Variants in DNM3 observed in about 807,000 individuals in gnomAD.
The protein encoded by DNM3 is dynamin 3.
A neutral mutation model predicts 101.6 loss-of-function variants in DNM3; 47 were observed. That is an observed-to-expected ratio of 0.46 (90% CI 0.37 to 0.59). The LOEUF (loss-of-function observed/expected upper bound fraction) is 0.59, where lower values mean the gene tolerates loss of function less well. DNM3 is among the 20% of genes least tolerant of loss of function. The pLI, the probability that DNM3 is intolerant of heterozygous loss-of-function variation, is 0.00. For missense variants in DNM3, 849 were observed against 1,085.7 expected, an observed-to-expected ratio of 0.78 and a Z score of 3.06; for synonymous variants, 385 against 387.9, an observed-to-expected ratio of 0.99 and a Z score of 0.09.
chr1:172,288,200 C>G (rs1291997160), intron 15 of DNM3, among the ~76,000 whole-genome samples: 3 of 152,172 alleles, frequency 2.0e-5, no homozygotes, highest in African/African-American at 7.2e-5. Context: ...CTAATTACAA[C>G]TACTGTGAGA....
downstream of DNM3, among the ~76,000 whole-genome samples, chr1:172,416,330 AAG>A (rs1488107548): frequency 2.0e-5 from 3 of 152,194 alleles, no homozygotes; most frequent in Non-Finnish European, 1.5e-5. Flanking sequence ...ATGCAAAAGA[AAG>A]AGCAAAAACC....
intron 14 of DNM3, among the ~76,000 whole-genome samples, chr1:172,233,240 T>A (rs2061407083): frequency 6.6e-6 from 1 of 152,082 alleles, no homozygotes; most frequent in African/African-American, 2.4e-5. Flanking sequence ...CAAACTACCA[T>A]CAGAGAGTAC....
At chr1:172,037,499 C>T (rs2049056748) in intron 6 of DNM3, among the ~76,000 whole-genome samples, 1 of 152,098 alleles carries the variant, frequency 6.6e-6, no homozygotes, top group Non-Finnish European at 1.5e-5. Flanking sequence ...ATTTCAAGTT[C>T]ATCACTTAGG....
chr1:172,285,585 G>A (rs543726711), intron 15 of DNM3, among the ~76,000 whole-genome samples: 2 of 152,282 alleles, frequency 1.3e-5, no homozygotes, highest in South Asian at 4.1e-4. Flanking sequence ...GCAGTAGTAT[G>A]AAGACCTATT....
chr1:172,075,615 G>A (rs529008704), intron 11 of DNM3, among the ~76,000 whole-genome samples: 2 of 152,234 alleles, frequency 1.3e-5, no homozygotes, highest in African/African-American at 4.8e-5. Context: ...TCAAAGATCA[G>A]CTGGTTGTAG....
chr1:172,257,915 GACACACACACAAAC>G (rs1307549677), intron 15 of DNM3, among the ~76,000 whole-genome samples: 16 of 145,330 alleles, frequency 1.1e-4, no homozygotes, highest in African/African-American at 3.7e-4. Flanking sequence ...CAGACAAACA[GACACACACACAAAC>G]ACACACACAC....
chr1:172,165,317 A>G (rs536394330), intron 14 of DNM3, among the ~76,000 whole-genome samples: 3 of 152,104 alleles, frequency 2.0e-5, no homozygotes, highest in East Asian at 1.9e-4. Context: ...GGGGAAAAAA[A>G]GGTGAGAGTA....
At chr1:172,347,198 C>G (rs541588366) in intron 17 of DNM3, among the ~76,000 whole-genome samples, 1 of 146,984 alleles carries the variant, frequency 6.8e-6, no homozygotes, top group South Asian at 2.2e-4. Flanking sequence ...GCAGAAGCCC[C>G]CCCCGCCAAA....
At chr1:171,948,757 A>C (rs1165148407) in intron 2 of DNM3, among the ~76,000 whole-genome samples, 1 of 152,204 alleles carries the variant, frequency 6.6e-6, no homozygotes, top group Non-Finnish European at 1.5e-5. Flanking sequence ...TCCTGTGGTT[A>C]AAACAGAATC....
At chr1:171,964,101 A>T (rs963204542) in intron 2 of DNM3, among the ~76,000 whole-genome samples, 39 of 151,886 alleles carry the variant, frequency 2.6e-4, no homozygotes, top group African/African-American at 9.2e-4. Context: ...AAATCAAAGT[A>T]TTTTACCCCA....
chr1:172,196,341 T>C (rs140863647), intron 14 of DNM3, among the ~76,000 whole-genome samples: 33 of 152,228 alleles, frequency 2.2e-4, no homozygotes, highest in Admixed American at 9.8e-4. Flanking sequence ...GTGTCTTTGC[T>C]ATTGTGTATA....
chr1:172,294,920 A>T (rs2064093377), intron 15 of DNM3, among the ~76,000 whole-genome samples: 1 of 151,894 alleles, frequency 6.6e-6, no homozygotes, highest in Non-Finnish European at 1.5e-5. Flanking sequence ...TCAAAAAAAA[A>T]AAAAAAAAAA....
At chr1:171,946,099 G>A (rs1396395673) in intron 2 of DNM3, among the ~76,000 whole-genome samples, 1 of 152,008 alleles carries the variant, frequency 6.6e-6, no homozygotes. Context: ...TTTAAGACAA[G>A]GACCATCATA....
chr1:171,867,981 T>C (rs368247180), intron 1 of DNM3, among the ~76,000 whole-genome samples: 14 of 152,354 alleles, frequency 9.2e-5, no homozygotes, highest in African/African-American at 3.4e-4. Flanking sequence ...GAAAATATCT[T>C]GGGTTGTAGA....
At chr1:172,107,128 G>A (rs1421222720) in intron 13 of DNM3, among the ~76,000 whole-genome samples, 1 of 151,632 alleles carries the variant, frequency 6.6e-6, no homozygotes, top group Non-Finnish European at 1.5e-5. Context: ...CCAAAGTGCT[G>A]GGATTACAGG....
chr1:172,350,702 A>G (rs928617751), intron 17 of DNM3, among the ~76,000 whole-genome samples: 23 of 152,214 alleles, frequency 1.5e-4, no homozygotes, highest in Non-Finnish European at 1.3e-4. Flanking sequence ...CTTTTACACA[A>G]GACACAATTC....
At chr1:172,191,680 C>T (rs1367455550) in intron 14 of DNM3, among the ~76,000 whole-genome samples, 8 of 152,160 alleles carry the variant, frequency 5.3e-5, no homozygotes, top group Admixed American at 1.3e-4. Context: ...TTTGTGTCCT[C>T]TTTTATTTCG....
At chr1:171,923,456 C>T (rs1335912891) in intron 2 of DNM3, among the ~76,000 whole-genome samples, 1 of 151,044 alleles carries the variant, frequency 6.6e-6, no homozygotes, top group Non-Finnish European at 1.5e-5. Context: ...ATTTTATAGG[C>T]CCTTTTCATT....
chr1:172,085,006 T>C (rs1474053704), intron 12 of DNM3, among the ~76,000 whole-genome samples: 2 of 152,178 alleles, frequency 1.3e-5, no homozygotes, highest in African/African-American at 4.8e-5. Context: ...ATTTATACTG[T>C]CATGTTTAAT....
Sources: allele counts gnomAD v4.1 joint callset (sites outside exome capture counted in the v4.1 genomes callset), GRCh38; gene constraint gnomAD v4.1.1; transcripts MANE v1.5; gene names NCBI Gene and HGNC (gene_info 2026-07-23, HGNC 2026-07-21).